Variants in IQANK1 observed in about 807,000 individuals in gnomAD.
IQANK1 encodes IQ motif and ankyrin repeat containing 1, also known as IQ motif and ankyrin repeat domain-containing protein 1.
Under a neutral mutation model 22.6 loss-of-function variants are expected in IQANK1, and 30 were observed. That is an observed-to-expected ratio of 1.33 (90% CI 0.99 to 1.80). IQANK1 has a LOEUF of 1.80. Ranked by LOEUF, IQANK1 falls within the 40% of genes most tolerant of loss-of-function variation. The probability of loss-of-function intolerance (pLI) is 0.00; values close to 1 mark genes in which losing one functional copy is unlikely to be tolerated. For synonymous variants in IQANK1, 122 were observed against 99.6 expected (o/e 1.23, Z -1.34); for missense variants, 275 against 235.2 (o/e 1.17, Z -1.11).
At chr8:143,768,453 G>T (rs1487442900) in intron 3 of IQANK1, among the ~76,000 whole-genome samples, 2 of 152,026 alleles carry the variant, frequency 1.3e-5, no homozygotes, top group South Asian at 2.1e-4. Flanking sequence ...GAGATATATT[G>T]AGACAAGAGA....
chr8:143,751,259 G>T (rs1819182955), intron 3 of IQANK1, among the ~76,000 whole-genome samples: 1 of 151,946 alleles, frequency 6.6e-6, no homozygotes, highest in African/African-American at 2.4e-5. Flanking sequence ...TAGGAAAAAA[G>T]TGGAGTTACA....
At chr8:143,743,810 A>G (rs181027535) in intron 3 of IQANK1, 1 of 419,182 alleles carries the variant, frequency 2.4e-6, no homozygotes. Flanking sequence ...CATATATTGT[A>G]GTTTTTAGTT....
At chr8:143,737,473 A>G (rs1487884763) in intron 2 of IQANK1, among the ~76,000 whole-genome samples, 1 of 152,204 alleles carries the variant, frequency 6.6e-6, no homozygotes. Context: ...TTGGTCTTGC[A>G]GTGCCCTGTG....
rs530248895 is a variant in IQANK1, at chr8:143,775,605, A to G, written c.789+3123A>G. ...GAAACCCCATCTCTACTAAAAATAC[A>G]AAAATTAGCTGCTGGGCGTGGTGGT... On this transcript the variant is annotated intron_variant, in intron 7 of 13. Coordinates refer to ENST00000527139, the MANE Select transcript of IQANK1 (RefSeq NM_001381874.1). 1.4e-4 allele frequency among the ~76,000 whole-genome samples: 21 copies of G among 152,156 alleles called. No homozygotes were observed. In the East Asian group the frequency reaches 1.7e-3, roughly 13 times the overall value.
intron 7 of IQANK1, among the ~76,000 whole-genome samples, chr8:143,782,665 C>A (rs571083821): frequency 6.6e-6 from 1 of 152,116 alleles, no homozygotes; most frequent in South Asian, 2.1e-4. Context: ...TTAGTAGAGA[C>A]AGGGTTTCTT....
chr8:143,756,246 G>T (rs543464661), intron 3 of IQANK1, among the ~76,000 whole-genome samples: 2 of 152,112 alleles, frequency 1.3e-5, no homozygotes, highest in Admixed American at 6.5e-5. Flanking sequence ...TCTTAGTCCC[G>T]ACAAAGTGGA....
At position 143,772,359 on chromosome 8, in the gene IQANK1, CG is replaced by C; in HGVS notation, c.667del (p.Ala223LeufsTer23). The C allele has an allele frequency of 2.5e-6, 1 of 399,040 alleles. No individual in the cohort carries two copies. The highest frequency in any genetic ancestry group is 4.4e-6 in the Non-Finnish European group (1 of 226,140). The allele number at this position is 399,040 out of a possible 1,614,324, so 24.7% of individuals were successfully genotyped here. On this transcript the variant is annotated frameshift_variant, in exon 7 of 14. Coordinates refer to ENST00000527139, the MANE Select transcript of IQANK1 (RefSeq NM_001381874.1). LOFTEE classifies it high-confidence loss of function. Reference sequence around the variant, plus strand: ...TGCTCGGGGGGCCCGTCTTGCAGGGCGCTTTCGGTCCGACGCCGCTGTACCG... The same window carrying C: ...TGCTCGGGGGGCCCGTCTTGCAGGGCCTTTCGGTCCGACGCCGCTGTACCG... ...ELGASPNSKG[A>X]FGPTPLYRAA...
chr8:143,763,173 G>A (rs1459426544), intron 3 of IQANK1, among the ~76,000 whole-genome samples: 1 of 151,918 alleles, frequency 6.6e-6, no homozygotes, highest in African/African-American at 2.4e-5. Flanking sequence ...CCGCCACCAC[G>A]CCTGGCTAAT....
intron 1 of IQANK1, among the ~76,000 whole-genome samples, chr8:143,734,634 G>A (rs1481027363): frequency 1.3e-5 from 2 of 151,526 alleles, no homozygotes; most frequent in Non-Finnish European, 2.9e-5. Context: ...CACACCTAGG[G>A]AACCCCACCT....
chr8:143,759,069 C>A, intron 3 of IQANK1: 1 of 276,496 alleles, frequency 3.6e-6, no homozygotes, highest in Non-Finnish European at 7.2e-6. Context: ...TGAGGTCCTG[C>A]ATTTGGCCGG....
chr8:143,766,537 G>A (rs371969879), intron 3 of IQANK1, among the ~76,000 whole-genome samples: 2 of 152,050 alleles, frequency 1.3e-5, no homozygotes, highest in South Asian at 4.2e-4. Flanking sequence ...CAGGCGTGGT[G>A]GTGGGCACTT....
chr8:143,752,996 G>GGT (rs368071885), intron 3 of IQANK1, among the ~76,000 whole-genome samples: 1,176 of 70,098 alleles, frequency 0.017, 55 homozygotes, highest in African/African-American at 0.067. Flanking sequence ...CTCTCTGTTC[G>GGT]TTTTTTTTTT....
intron 3 of IQANK1, chr8:143,759,633 G>C (rs1377689108): frequency 6.6e-6 from 1 of 152,236 alleles, no homozygotes; most frequent in Non-Finnish European, 1.5e-5. Context: ...GCCACCTGCT[G>C]AGCTTTGTGA....
intron 7 of IQANK1, among the ~76,000 whole-genome samples, chr8:143,787,730 G>A (rs532602686): frequency 1.1e-4 from 16 of 151,748 alleles, no homozygotes; most frequent in African/African-American, 2.9e-4. Flanking sequence ...TGGGAACGCC[G>A]GCGGCTCACC....
intron 3 of IQANK1, among the ~76,000 whole-genome samples, chr8:143,740,336 G>A (rs1371640135): frequency 6.6e-6 from 1 of 152,134 alleles, no homozygotes; most frequent in African/African-American, 2.4e-5. Context: ...ACGGGGCCCT[G>A]CGCGTCGCCT....
At chr8:143,788,533 C>T (rs1309815872) in intron 7 of IQANK1, among the ~76,000 whole-genome samples, 2 of 152,222 alleles carry the variant, frequency 1.3e-5, no homozygotes, top group African/African-American at 4.8e-5. Flanking sequence ...TCCTGCGGGC[C>T]AGCCTCCTAC....
At position 143,735,314 on chromosome 8, in the gene IQANK1, G is replaced by T. The variant is rs1184386578; in HGVS notation, c.-4-536G>T. ...TCAGCTGTGTGGACTAGGGAGAGGG[G>T]TGTTGCTCCAGGGCCTGACACCACC... On this transcript the variant is annotated intron_variant, in intron 1 of 13. Transcript: ENST00000527139. The surrounding 1 kb of genome is among the most constrained non-coding windows in gnomAD (Gnocchi z 5.2). Among the ~76,000 whole-genome samples the T allele has an allele frequency of 3.3e-5, 5 of 152,224 alleles. No individual in the cohort carries two copies. In the East Asian group the frequency reaches 9.7e-4, roughly 29 times the overall value.
At chr8:143,747,974 C>CCTTTCCT in intron 3 of IQANK1, among the ~76,000 whole-genome samples, 1 of 120,518 alleles carries the variant, frequency 8.3e-6, no homozygotes, top group Non-Finnish European at 1.7e-5. Flanking sequence ...TTTCCTTTCC[C>CCTTTCCT]TTTCCTTTCC....
At position 143,774,768 on chromosome 8, in the gene IQANK1, G is replaced by A. The variant is rs1043116630; in HGVS notation, c.789+2286G>A. ...ACGACTCAGATGTCCTCCAGCAGGC[G>A]AGTGGCTCCACTAGCTTGGTGCATT... On this transcript the variant is annotated intron_variant, in intron 7 of 13. Coordinates refer to ENST00000527139, the MANE Select transcript of IQANK1 (RefSeq NM_001381874.1). This position sits in a 1 kb window ranked among gnomAD's most constrained non-coding sequence, Gnocchi z 4.2. Among the ~76,000 whole-genome samples the A allele has an allele frequency of 1.3e-5, 2 of 152,220 alleles. No homozygotes were observed. The highest frequency in any genetic ancestry group is 2.9e-5 in the Non-Finnish European group (2 of 68,034).
Sources: allele counts gnomAD v4.1 joint callset (sites outside exome capture counted in the v4.1 genomes callset), GRCh38; gene constraint gnomAD v4.1.1; non-coding constraint Gnocchi (gnomAD v3.1); transcripts MANE v1.5; gene names NCBI Gene and HGNC (gene_info 2026-07-23, HGNC 2026-07-21).